The following IL12A variants were observed in gnomAD, a reference collection of about 807,000 sequenced individuals.
IL12A encodes interleukin-12 subunit alpha.
IL12A carries 16 observed loss-of-function variants against 23.5 expected under a neutral mutation model. The ratio of observed to expected loss-of-function variants is 0.68; its 90% CI spans 0.46 to 1.03. IL12A has a LOEUF of 1.03. Among genes scored for constraint, IL12A ranks in the 50% least tolerant of loss-of-function variants. The pLI is 0.00. For missense variants in IL12A, 275 were observed against 307.0 expected (o/e 0.90, Z 0.78); for synonymous variants, 106 against 111.5 (o/e 0.95, Z 0.31).
chr3:159,993,883 G>C (rs201524139), intron 6 of IL12A, 39 bp downstream of exon 6: 8 of 1,606,566 alleles, frequency 5.0e-6, no homozygotes, highest in Non-Finnish European at 6.0e-6. Context: ...CCTTTTTCAT[G>C]CTAAAGATAA....
At position 159,995,483 on chromosome 3, in the gene IL12A, T is replaced by A; in HGVS notation, c.686T>A (p.Leu229His). The A allele has an allele frequency of 6.2e-7, 1 of 1,608,252 alleles. No homozygotes were observed. Among genetic ancestry groups the A allele is most frequent in the South Asian group, 1.1e-5 (1 of 89,662 alleles). ...GATTTTTATAAAACTAAAATCAAGC[T>A]CTGCATACTTCTTCATGCTTTCAGA... The change falls in exon 7 of 7, where the codon CTC becomes CAC. Residue 229 changes from leucine (L) to histidine (H), a missense_variant. Physicochemically the swap from Leu to His is moderately conservative, Grantham distance 99. Coordinates refer to ENST00000305579, the MANE Select transcript of IL12A (RefSeq NM_000882.4).
Position 159,993,752 on chromosome 3 carries a change from T to C in IL12A, c.514T>C (p.Phe172Leu). 1 of 1,613,948 alleles carries C rather than the reference T, an allele frequency of 6.2e-7. No individual in the cohort carries two copies. The highest frequency in any genetic ancestry group is 1.1e-5 in the South Asian group (1 of 91,080). ...AGACTTGAAGATGTACCAGGTGGAGTTCAAGACCATGAATGCAAAGCTTCT... is the reference window on the plus strand; with the variant it reads ...AGACTTGAAGATGTACCAGGTGGAGCTCAAGACCATGAATGCAAAGCTTCT... The change falls in exon 6 of 7, where the codon TTC (phenylalanine) becomes CTC (leucine). Residue 172 changes from phenylalanine to leucine, a missense_variant. By Grantham distance (22) the Phe-to-Leu change is conservative. Transcript: ENST00000305579.
intron 1 of IL12A, chr3:159,989,435 T>G: frequency 1.9e-6 from 1 of 524,486 alleles, no homozygotes; most frequent in African/African-American, 2.0e-5. Flanking sequence ...ATTTCCTGCT[T>G]TCCTGCCTAG....
chr3:159,993,314 C>G, intron 3 of IL12A, 137 bp from the exon 4 acceptor site: 1 of 766,746 alleles, frequency 1.3e-6, no homozygotes, highest in South Asian at 1.8e-5. Flanking sequence ...TGTGAATACA[C>G]TTAACACTTA....
intron 3 of IL12A, 149 bp from the exon 4 acceptor site, chr3:159,993,302 A>G: frequency 2.7e-6 from 2 of 743,222 alleles, no homozygotes; most frequent in Non-Finnish European, 4.4e-6. Context: ...TTTTTGCAAC[A>G]ATGTGAATAC....
intron 2 of IL12A, among the ~76,000 whole-genome samples, chr3:159,991,931 C>CATCT (rs1316763970): frequency 1.3e-5 from 2 of 152,188 alleles, no homozygotes; most frequent in Non-Finnish European, 2.9e-5. Flanking sequence ...AATCCAGGAT[C>CATCT]ATCTCTCTAC....
Position 159,988,970 on chromosome 3 carries a change from T to C in IL12A, c.-87T>C. The C allele has an allele frequency of 1.8e-6, 2 of 1,105,298 alleles. No individual in the cohort carries two copies. Among genetic ancestry groups the C allele is most frequent in the South Asian group, 2.5e-5 (2 of 78,702 alleles). 68.5% of individuals were successfully genotyped at this position (1,105,298 alleles called of 1,614,324 possible). A position where few individuals can be genotyped will look rare whatever the true frequency, so the allele number is the denominator to read the frequency against. Reference sequence around the variant, plus strand: ...CGCACCGCACGTGTCACCGAGAAGCTGATGTAGAGAGAGACACAGAAGGAG... The same window carrying C: ...CGCACCGCACGTGTCACCGAGAAGCCGATGTAGAGAGAGACACAGAAGGAG... On this transcript the variant is annotated 5_prime_UTR_variant, in exon 1 of 7. Transcript: ENST00000305579.
At chr3:159,992,846 T>A (rs756123424) in intron 2 of IL12A, among the ~76,000 whole-genome samples, 166 bp from the exon 3 acceptor site, 14 of 152,182 alleles carry the variant, frequency 9.2e-5, no homozygotes, top group Non-Finnish European at 1.9e-4. Context: ...ATGTAAGGAA[T>A]CTATTTTCTT....
At chr3:159,992,348 G>A (rs1349491713) in intron 2 of IL12A, among the ~76,000 whole-genome samples, 1 of 152,086 alleles carries the variant, frequency 6.6e-6, no homozygotes, top group Non-Finnish European at 1.5e-5. Flanking sequence ...AATCCAGGAG[G>A]GTATACATGG....
At chr3:159,994,628 G>T (rs142886280) in intron 6 of IL12A, among the ~76,000 whole-genome samples, 1 of 149,490 alleles carries the variant, frequency 6.7e-6, no homozygotes, top group Non-Finnish European at 1.5e-5. Flanking sequence ...GCATGTGCCA[G>T]ATTTCTTGTT....
chr3:159,991,518 C>T (rs1475630023), intron 2 of IL12A, among the ~76,000 whole-genome samples: 1 of 152,354 alleles, frequency 6.6e-6, no homozygotes, highest in East Asian at 1.9e-4. Flanking sequence ...ACCTCCAAAT[C>T]TAACTCTTTA....
At position 159,993,130 on chromosome 3, in the gene IL12A, A is replaced by G. The variant is rs772865699; in HGVS notation, c.378+5A>G. ...TTACCATTGGAATTAACCAAGGTAT[A>G]AAGGATTTTCCTCCCAGAGCATGCA... On this transcript the variant is annotated splice_donor_5th_base_variant and intron_variant, in intron 3 of 6. Transcript: ENST00000305579. 1.4e-6 allele frequency: 2 copies of G among 1,472,852 alleles called. No individual in the cohort carries two copies. Among genetic ancestry groups the G allele is most frequent in the Non-Finnish European group, 1.9e-6 (2 of 1,053,644 alleles). The allele number at this position is 1,472,852 out of a possible 1,614,324, so 91.2% of individuals were successfully genotyped here. A position where few individuals can be genotyped will look rare whatever the true frequency, so the allele number is the denominator to read the frequency against.
Position 159,990,205 on chromosome 3 carries a change from C to A in IL12A, c.157C>A (p.Leu53Ile). The A allele has an allele frequency of 6.2e-7, 1 of 1,614,120 alleles. No individual in the cohort carries two copies. Among genetic ancestry groups the A allele is most frequent in the Non-Finnish European group, 8.5e-7 (1 of 1,179,994 alleles). The change falls in exon 2 of 7, where the codon CTC (leucine) becomes ATC (isoleucine). Residue 53 changes from leucine (L) to isoleucine (I), a missense_variant. Leu to Ile is a conservative substitution (Grantham distance 5). Transcript: ENST00000305579. ...GGCTACCCTGGTCCTCCTGGACCAC[C>A]TCAGTTTGGCCAGAAACCTCCCCGT... is the stretch of plus-strand genomic sequence containing the variant.
intron 3 of IL12A, 73 bp from the exon 4 acceptor site, chr3:159,993,378 A>C (rs1161529496): frequency 4.2e-6 from 5 of 1,201,942 alleles, no homozygotes; most frequent in Middle Eastern, 2.6e-4. Flanking sequence ...TAATAAAAAA[A>C]ATTTGAGACC....
At chr3:159,990,665 T>C (rs569289760) in intron 2 of IL12A, among the ~76,000 whole-genome samples, 1 of 152,096 alleles carries the variant, frequency 6.6e-6, no homozygotes, top group Non-Finnish European at 1.5e-5. Context: ...ATCCCGGAAA[T>C]AGTTACTTGG....
intron 6 of IL12A, among the ~76,000 whole-genome samples, chr3:159,994,072 A>C (rs1720411246): frequency 6.6e-6 from 1 of 152,184 alleles, no homozygotes; most frequent in Non-Finnish European, 1.5e-5. Context: ...TATCCCCCAC[A>C]CTCGGCAAAT....
Position 159,995,416 on chromosome 3 carries a change from A to C in IL12A, c.619A>C (p.Asn207His). ...TTCATTCTCCTAGGCCCTGAATTTC[A>C]ACAGTGAGACTGTGCCACAAAAATC... Residue 207 changes from asparagine to histidine, a missense_variant, in exon 7 of 7, where the codon AAC becomes CAC. Coordinates refer to ENST00000305579, the MANE Select transcript of IL12A (RefSeq NM_000882.4). 6.3e-7 allele frequency: 1 copy of C among 1,598,858 alleles called. No individual in the cohort carries two copies. Among genetic ancestry groups the C allele is most frequent in the Non-Finnish European group, 8.5e-7 (1 of 1,174,656 alleles).
chr3:159,991,205 T>C (rs2243122), intron 2 of IL12A, among the ~76,000 whole-genome samples: 1,543 of 152,292 alleles, frequency 0.01, 24 homozygotes, highest in African/African-American at 0.028. Flanking sequence ...TTTTAGGTGC[T>C]CCAATTCATA....
At chr3:159,993,903 G>T (rs988377448) in intron 6 of IL12A, 59 bp downstream of exon 6, 14 of 1,569,600 alleles carry the variant, frequency 8.9e-6, no homozygotes, top group African/African-American at 1.4e-5. Flanking sequence ...ACCAGCCAGG[G>T]TCTTTGATAA....
Sources: allele counts gnomAD v4.1 joint callset (sites outside exome capture counted in the v4.1 genomes callset), GRCh38; gene constraint gnomAD v4.1.1; transcripts MANE v1.5; gene names NCBI Gene and HGNC (gene_info 2026-07-23, HGNC 2026-07-21).